Variants in POFUT3 observed in about 807,000 individuals in gnomAD.
POFUT3 encodes GDP-fucose protein O-fucosyltransferase 3.
chr8:33,334,512 G>A, the POFUT3 span, among the ~76,000 whole-genome samples: 43 of 152,258 alleles, frequency 2.8e-4, 1 homozygote, highest in African/African-American at 9.6e-4. Flanking sequence ...CACAGTACCC[G>A]GCCGAGTTGC....
At chr8:33,351,359 G>A in the POFUT3 span, among the ~76,000 whole-genome samples, 3 of 152,222 alleles carry the variant, frequency 2.0e-5, no homozygotes, top group African/African-American at 7.2e-5. Flanking sequence ...CAGTGTTGGA[G>A]GTGAGGCCTA....
chr8:33,312,912 T>G, the POFUT3 span, among the ~76,000 whole-genome samples: 5 of 152,178 alleles, frequency 3.3e-5, no homozygotes, highest in Non-Finnish European at 5.9e-5. Flanking sequence ...CCATGAGACA[T>G]GCATACCACC....
the POFUT3 span, among the ~76,000 whole-genome samples, chr8:33,454,176 C>A: frequency 6.6e-6 from 1 of 152,170 alleles, no homozygotes; most frequent in Non-Finnish European, 1.5e-5. Context: ...TCACACAGTT[C>A]TGAAGTCAGA....
chr8:33,422,308 C>T, the POFUT3 span, among the ~76,000 whole-genome samples: 2 of 151,488 alleles, frequency 1.3e-5, no homozygotes, highest in Non-Finnish European at 2.9e-5. Context: ...TTTGGGAGGC[C>T]AAGATGGGTG....
At chr8:33,322,114 G>C in the POFUT3 span, among the ~76,000 whole-genome samples, 1 of 152,176 alleles carries the variant, frequency 6.6e-6, no homozygotes, top group African/African-American at 2.4e-5. Flanking sequence ...CTATCATTTG[G>C]TTTCAAGAGT....
chr8:33,412,622 T>G, the POFUT3 span, among the ~76,000 whole-genome samples: 1 of 152,054 alleles, frequency 6.6e-6, no homozygotes, highest in South Asian at 2.1e-4. Flanking sequence ...TTGCCATCTT[T>G]GGTTGTTGTC....
the POFUT3 span, chr8:33,453,268 G>A: frequency 1.2e-6 from 2 of 1,614,054 alleles, no homozygotes; most frequent in African/African-American, 1.3e-5. Flanking sequence ...TCCGGTTGAT[G>A]GTGAAGAAAC....
the POFUT3 span, among the ~76,000 whole-genome samples, chr8:33,400,598 A>T: frequency 2.7e-4 from 41 of 152,308 alleles, no homozygotes; most frequent in African/African-American, 9.9e-4. Flanking sequence ...AGGCTTTCTT[A>T]TACCTAGACT....
At chr8:33,319,576 A>AAATATATAT in the POFUT3 span, among the ~76,000 whole-genome samples, 1 of 56,566 alleles carries the variant, frequency 1.8e-5, no homozygotes, top group Non-Finnish European at 2.7e-5. Flanking sequence ...GTATTTATAT[A>AAATATATAT]TTATATAAAT....
the POFUT3 span, among the ~76,000 whole-genome samples, chr8:33,403,628 G>A: frequency 6.6e-6 from 1 of 152,052 alleles, no homozygotes; most frequent in African/African-American, 2.4e-5. Flanking sequence ...AGTGTGAGGT[G>A]GGATGATGGC....
the POFUT3 span, among the ~76,000 whole-genome samples, chr8:33,461,080 G>C: frequency 6.6e-6 from 1 of 151,554 alleles, no homozygotes; most frequent in Admixed American, 6.6e-5. Context: ...GCTTGAACCC[G>C]GGAGGCAGAG....
the POFUT3 span, among the ~76,000 whole-genome samples, chr8:33,334,408 G>A: frequency 3.9e-5 from 6 of 152,124 alleles, no homozygotes; most frequent in Admixed American, 2.0e-4. Flanking sequence ...AGTAGAGACA[G>A]GGTTTCACCA....
At chr8:33,381,788 C>G in the POFUT3 span, among the ~76,000 whole-genome samples, 1 of 152,152 alleles carries the variant, frequency 6.6e-6, no homozygotes. Flanking sequence ...TTGGAAGACT[C>G]TTGTAGAAGC....
chr8:33,396,222 C>G, the POFUT3 span, among the ~76,000 whole-genome samples: 79 of 152,268 alleles, frequency 5.2e-4, no homozygotes, highest in Non-Finnish European at 4.0e-4. Context: ...CTTCCTGTGC[C>G]TCTCCAGTCG....
At chr8:33,436,473 G>A in the POFUT3 span, 71 of 1,420,216 alleles carry the variant, frequency 5.0e-5, no homozygotes, top group Middle Eastern at 1.1e-3. Flanking sequence ...ACTTGGTTGA[G>A]GTTTTGCTCT....
At chr8:33,352,082 G>T in the POFUT3 span, among the ~76,000 whole-genome samples, 3 of 152,152 alleles carry the variant, frequency 2.0e-5, no homozygotes, top group East Asian at 5.8e-4. Context: ...CTCTGTCAAT[G>T]GGACCAAGTT....
At chr8:33,389,470 C>T in the POFUT3 span, 4 of 1,614,100 alleles carry the variant, frequency 2.5e-6, no homozygotes, top group South Asian at 1.1e-5. Context: ...CGATGTAAGT[C>T]ATCAGCTCGC....
At chr8:33,318,264 C>T in the POFUT3 span, among the ~76,000 whole-genome samples, 2 of 151,388 alleles carry the variant, frequency 1.3e-5, no homozygotes, top group African/African-American at 4.9e-5. Context: ...TACTGTTTCA[C>T]TTAACCTAAA....
At chr8:33,410,998 T>C in the POFUT3 span, among the ~76,000 whole-genome samples, 1 of 152,106 alleles carries the variant, frequency 6.6e-6, no homozygotes, top group Non-Finnish European at 1.5e-5. Flanking sequence ...CCCCTCTGTC[T>C]AATAATGAGC....
Sources: allele counts gnomAD v4.1 joint callset (sites outside exome capture counted in the v4.1 genomes callset), GRCh38; gene constraint gnomAD v4.1.1; transcripts MANE v1.5; gene names NCBI Gene and HGNC (gene_info 2026-07-23, HGNC 2026-07-21).